LIPE: variants seen among roughly 807,000 people sequenced by gnomAD.
The protein encoded by LIPE is lipase E, hormone sensitive type.
Under a neutral mutation model 88.5 loss-of-function variants are expected in LIPE, and 66 were observed. The observed-to-expected ratio is 0.75, with a 90% CI of 0.61 to 0.91. LIPE has a LOEUF of 0.91. Ranked by LOEUF, LIPE falls within the 40% of genes least tolerant of loss-of-function variation. The pLI, the probability that LIPE is intolerant of heterozygous loss-of-function variation, is 0.00. For missense variants in LIPE, 1,346 were observed against 1,434.7 expected, an observed-to-expected ratio of 0.94 and a Z score of 1.00; for synonymous variants, 570 against 617.5, an observed-to-expected ratio of 0.92 and a Z score of 1.14.
chr19:42,423,198 C>G (rs1367655853), intron 1 of LIPE: 1 of 303,370 alleles, frequency 3.3e-6, no homozygotes, highest in Non-Finnish European at 6.5e-6. Flanking sequence ...TGCTCCCAAG[C>G]CGATCCGGGC....
chr19:42,426,759 A>C lies in LIPE; in HGVS notation c.391T>G (p.Leu131Val). ...KESITQQEPA[L>V]RQRHVAQPGP... The stretch of plus-strand genomic sequence containing the variant: ...GGCTGGGCTACATGTCTTTGTCTCA[A>C]TGCTGGCTCCTGTTGAGTTATAGAT... The change falls in exon 1 of 10, where the codon TTG (leucine) becomes GTG (valine). Residue 131 changes from leucine (L) to valine (V), a missense_variant. Leu to Val is a conservative substitution (Grantham distance 32, BLOSUM62 1). Transcript: ENST00000244289. 1 of 1,613,842 alleles carries C rather than the reference A, an allele frequency of 6.2e-7. No homozygotes were observed. Among genetic ancestry groups the C allele is most frequent in the Admixed American group, 1.7e-5 (1 of 59,986 alleles).
intron 1 of LIPE, among the ~76,000 whole-genome samples, chr19:42,415,585 C>T (rs1347653903): frequency 6.6e-6 from 1 of 151,716 alleles, no homozygotes; most frequent in Non-Finnish European, 1.5e-5. Flanking sequence ...CCGAGGCGGG[C>T]GGATCACGAA....
rs890667222 is a variant in LIPE at position 42,423,943 on chromosome 19, C to T, written c.883+2324G>A. 8 of 1,169,690 alleles carry T rather than the reference C, an allele frequency of 6.8e-6. No individual in the cohort carries two copies. In the African/African-American group the frequency reaches 1.1e-4, roughly 16 times the overall value. The allele number at this position is 1,169,690 out of a possible 1,614,324, so 72.5% of individuals were successfully genotyped here. A position where few individuals can be genotyped will look rare whatever the true frequency, so the allele number is the denominator to read the frequency against. On this transcript the variant is annotated intron_variant, in intron 1 of 9. Coordinates refer to ENST00000244289, the MANE Select transcript of LIPE (RefSeq NM_005357.4). ...ACTCACCTTCCCAGGGAGGGATGCC[C>T]TAGCACGCGGCCCGGCCCGCCTTTT...
chr19:42,402,040 G>C lies in LIPE; in HGVS notation c.3003C>G (p.Val1001=), dbSNP rs2039991211. 6.5e-7 allele frequency: 1 copy of C among 1,529,494 alleles called. No homozygotes were observed. Among genetic ancestry groups the C allele is most frequent in the African/African-American group, 1.4e-5 (1 of 71,386 alleles). The allele number at this position is 1,529,494 out of a possible 1,614,324, so 94.7% of individuals were successfully genotyped here. A position where few individuals can be genotyped will look rare whatever the true frequency, so the allele number is the denominator to read the frequency against. ...GGTTGCGCAGTCGCCGCGCGAGCATGACCGAGTCGTCCAGCATGGGGTCCA... is the reference window on the plus strand; with the variant it reads ...GGTTGCGCAGTCGCCGCGCGAGCATCACCGAGTCGTCCAGCATGGGGTCCA... The part of the protein sequence containing the change: ...CALDPMLDDS[V]MLARRLRNLG... Residue 1001 remains valine (V), a synonymous_variant, in exon 10 of 10, where the codon GTC becomes GTG. Transcript: ENST00000244289.
At chr19:42,423,787 C>G (rs950517547) in intron 1 of LIPE, 4 of 1,110,434 alleles carry the variant, frequency 3.6e-6, no homozygotes, top group Non-Finnish European at 1.1e-6. Context: ...AAAAGGCAAC[C>G]CCGGGGGTGG....
intron 8 of LIPE, among the ~76,000 whole-genome samples, chr19:42,403,773 G>A (rs1370871006): frequency 6.6e-6 from 1 of 152,088 alleles, no homozygotes; most frequent in East Asian, 1.9e-4. Flanking sequence ...TGAATAGTAA[G>A]CAGGCCCAGT....
At position 42,402,935 on chromosome 19, in the gene LIPE, CTCAAGTCCCTCAGGG is replaced by C. The variant is rs2040034667; in HGVS notation, c.2624_2638del (p.Thr875_Leu879del). The C allele has an allele frequency of 6.2e-7, 1 of 1,610,642 alleles. No homozygotes were observed. Among genetic ancestry groups the C allele is most frequent in the East Asian group, 2.2e-5 (1 of 44,850 alleles). On this transcript the variant is annotated inframe_deletion, in exon 9 of 10. Coordinates refer to ENST00000244289, the MANE Select transcript of LIPE (RefSeq NM_005357.4). The stretch of plus-strand genomic sequence containing the variant: ...CGACGTCTCGGAGTTTCCCCTCAGG[CTCAAGTCCCTCAGGG>C]TCAGGTTCTTGAGGGAATCCGTGCC...
At chr19:42,423,859 G>C (rs982625768) in intron 1 of LIPE, 87 of 1,125,128 alleles carry the variant, frequency 7.7e-5, no homozygotes, top group Non-Finnish European at 8.9e-5. Context: ...CAGCAGGGAA[G>C]TCCCGATCTT....
chr19:42,420,058 G>C (rs1389011490), intron 1 of LIPE, among the ~76,000 whole-genome samples: 1 of 139,588 alleles, frequency 7.2e-6, no homozygotes, highest in African/African-American at 2.7e-5. Flanking sequence ...ATTTCTTTAT[G>C]TGTTTTATGT....
chr19:42,407,914 A>G lies in LIPE; in HGVS notation c.1656+62T>C. On this transcript the variant is annotated intron_variant, in intron 4 of 9. Coordinates refer to ENST00000244289, the MANE Select transcript of LIPE (RefSeq NM_005357.4). This position sits in a 1 kb window ranked among gnomAD's most constrained non-coding sequence, Gnocchi z 5.8. ...TCCCTGGGCCTGGAGCCCCACAGAG[A>G]CCTACTGTGGCCTCAGATGAGTCTC... is the stretch of plus-strand genomic sequence containing the variant. 12 of 1,583,164 alleles carry G rather than the reference A, an allele frequency of 7.6e-6. No individual in the cohort carries two copies. The highest frequency in any genetic ancestry group is 9.4e-6 in the Non-Finnish European group (11 of 1,165,694).
rs1026452248 is a variant in LIPE, at chr19:42,427,281, A to G, written c.-132T>C. ...TTCCTCTTGGGTTTCACTCCATCCT[A>G]GCATCACTGGTCTTCCTTTTTAAGG... On this transcript the variant is annotated 5_prime_UTR_variant, in exon 1 of 10. Transcript: ENST00000244289. 2.8e-6 allele frequency: 4 copies of G among 1,422,716 alleles called. No homozygotes were observed. In the African/African-American group the frequency reaches 4.3e-5, roughly 15 times the overall value. The allele number at this position is 1,422,716 out of a possible 1,614,324, so 88.1% of individuals were successfully genotyped here. A position where few individuals can be genotyped will look rare whatever the true frequency, so the allele number is the denominator to read the frequency against.
Position 42,407,772 on chromosome 19 carries a change from G to A in LIPE, c.1676C>T (p.Ser559Leu), listed in dbSNP as rs201341247. The change falls in exon 5 of 10, where the codon TCG (serine) becomes TTG (leucine). Residue 559 changes from serine (S) to leucine (L), a missense_variant. Transcript: ENST00000244289. This position sits in a 1 kb window ranked among gnomAD's most constrained non-coding sequence, Gnocchi z 5.8. ...CAGGCGGCTTACCCTCACGGTGGCC[G>A]ATGCCATGTTGGCCAGAGACTGGAG... ...EVLSSLANMA[S>L]ATVRVSRLLS... The A allele has an allele frequency of 1.2e-5, 18 of 1,547,648 alleles. No individual in the cohort carries two copies. The highest frequency in any genetic ancestry group is 7.8e-5 in the Admixed American group (4 of 51,282).
intron 8 of LIPE, among the ~76,000 whole-genome samples, chr19:42,403,518 GCTCACTGCAAC>G (rs2040067360): frequency 6.6e-6 from 1 of 151,362 alleles, no homozygotes; most frequent in Non-Finnish European, 1.5e-5. Context: ...CAAGAACATG[GCTCACTGCAAC>G]CTCCACCTCC....
At position 42,406,073 on chromosome 19, in the gene LIPE, A is replaced by C. The variant is rs2040173233; in HGVS notation, c.2365+88T>G. 6 of 1,156,018 alleles carry C rather than the reference A, an allele frequency of 5.2e-6. No homozygotes were observed. The highest frequency in any genetic ancestry group is 7.4e-6 in the Non-Finnish European group (6 of 807,808). The allele number at this position is 1,156,018 out of a possible 1,614,324, so 71.6% of individuals were successfully genotyped here. A position where few individuals can be genotyped will look rare whatever the true frequency, so the allele number is the denominator to read the frequency against. On this transcript the variant is annotated intron_variant, in intron 7 of 9. Coordinates refer to ENST00000244289, the MANE Select transcript of LIPE (RefSeq NM_005357.4). This position sits in a 1 kb window ranked among gnomAD's most constrained non-coding sequence, Gnocchi z 5.7. Reference sequence around the variant, plus strand: ...TCCTCTGCCTGGCCTCTCCTTCCTCAGTCACAGGAGTCCTGGTCCCCAGCC... The same window carrying C: ...TCCTCTGCCTGGCCTCTCCTTCCTCCGTCACAGGAGTCCTGGTCCCCAGCC...
chr19:42,402,734 G>C lies in LIPE; in HGVS notation c.2840C>G (p.Pro947Arg), dbSNP rs2040024751. The C allele has an allele frequency of 6.4e-7, 1 of 1,565,388 alleles. No individual in the cohort carries two copies. The highest frequency in any genetic ancestry group is 1.2e-5 in the South Asian group (1 of 85,060). The part of the protein sequence containing the change: ...VRAAFPEGFH[P>R]RRSSQGATQM... ...TGTGGCACCCTGGCTGGAGCGTCGG[G>C]GGTGGAAACCCTCGGGGAAGGCGGC... Residue 947 changes from proline to arginine, a missense_variant, in exon 9 of 10, where the codon CCC becomes CGC. Transcript: ENST00000244289.
rs2040356275 is a variant in LIPE, at chr19:42,410,879, G to A, written c.884-37C>T. The A allele has an allele frequency of 4.0e-6, 6 of 1,511,104 alleles. No individual in the cohort carries two copies. The highest frequency in any genetic ancestry group is 5.3e-6 in the Non-Finnish European group (6 of 1,132,548). 93.6% of individuals were successfully genotyped at this position (1,511,104 alleles called of 1,614,324 possible). ...TGGGGAGGCCTGTTAGGTGGGGCTG[G>A]ATCAAGCCTTGCTTAGCTGGGGCCC... On this transcript the variant is annotated intron_variant, in intron 1 of 9. Transcript: ENST00000244289. This position sits in a 1 kb window ranked among gnomAD's most constrained non-coding sequence, Gnocchi z 6.1.
chr19:42,427,337 C>G lies in LIPE; in HGVS notation c.-188G>C. 2.7e-6 allele frequency: 3 copies of G among 1,101,424 alleles called. No homozygotes were observed. Among genetic ancestry groups the G allele is most frequent in the Non-Finnish European group, 2.5e-6 (2 of 815,360 alleles). The allele number at this position is 1,101,424 out of a possible 1,614,324, so 68.2% of individuals were successfully genotyped here. ...GGCAGTTGGCCGATCACAGCTGGCC[C>G]CCACTAAGTAATGAACTCTGTGCCT... On this transcript the variant is annotated 5_prime_UTR_variant, in exon 1 of 10. Transcript: ENST00000244289.
At chr19:42,417,225 C>A (rs2040506328) in intron 1 of LIPE, among the ~76,000 whole-genome samples, 3 of 152,084 alleles carry the variant, frequency 2.0e-5, no homozygotes, top group African/African-American at 4.8e-5. Context: ...CGGCCAATTT[C>A]AACTTTTAAG....
At position 42,410,426 on chromosome 19, in the gene LIPE, C is replaced by T; in HGVS notation, c.1300G>A (p.Val434Ile). ...ALVYYAQRLL[V>I]TNRPGVLFFE... is the part of the protein sequence containing the mutation. ...AAGAGTACCCCCGGCCGATTGGTAA[C>T]CAGCAGGCGCTGGGCGTAGTAGACC... The change falls in exon 2 of 10, where the codon GTT becomes ATT. Residue 434 changes from valine (V) to isoleucine (I), a missense_variant. By Grantham distance (29) the Val-to-Ile change is conservative. Coordinates refer to ENST00000244289, the MANE Select transcript of LIPE (RefSeq NM_005357.4). This position sits in a 1 kb window ranked among gnomAD's most constrained non-coding sequence, Gnocchi z 6.1. 3.1e-6 allele frequency: 5 copies of T among 1,614,208 alleles called. No homozygotes were observed. Among genetic ancestry groups the T allele is most frequent in the Non-Finnish European group, 2.5e-6 (3 of 1,180,032 alleles).
Sources: allele counts gnomAD v4.1 joint callset (sites outside exome capture counted in the v4.1 genomes callset), GRCh38; gene constraint gnomAD v4.1.1; non-coding constraint Gnocchi (gnomAD v3.1); transcripts MANE v1.5; gene names NCBI Gene and HGNC (gene_info 2026-07-23, HGNC 2026-07-21).